The following EFCAB8 variants were observed in gnomAD, a reference collection of about 807,000 sequenced individuals.
The protein encoded by EFCAB8 is EF-hand calcium binding domain 8.
In EFCAB8, 100 loss-of-function variants were observed where a neutral mutation model predicts 116.3. The observed-to-expected ratio is 0.86, with a 90% CI of 0.73 to 1.02. The LOEUF (loss-of-function observed/expected upper bound fraction) is 1.02, where lower values mean the gene tolerates loss of function less well. Ranked by LOEUF, EFCAB8 falls within the 50% of genes least tolerant of loss-of-function variation. The pLI, the probability that EFCAB8 is intolerant of heterozygous loss-of-function variation, is 0.00. For missense variants in EFCAB8, 1,320 were observed against 1,416.9 expected (o/e 0.93, Z 1.10); for synonymous variants, 558 against 567.9 (o/e 0.98, Z 0.25).
chr20:32,898,715 G>C, intron 11 of EFCAB8, 92 bp downstream of exon 11: 2 of 676,896 alleles, frequency 3.0e-6, no homozygotes, highest in South Asian at 3.2e-5. Context: ...GCAGATGGTG[G>C]TTGGTGTATG....
Position 32,885,464 on chromosome 20 carries a change from G to A in EFCAB8, c.432-41G>A, listed in dbSNP as rs913433581. 44 of 1,549,830 alleles carry A rather than the reference G, an allele frequency of 2.8e-5. No homozygotes were observed. The Middle Eastern group carries it at 5.0e-4, about 18-fold the overall frequency. Reference sequence around the variant, plus strand: ...GCCGCAGGTGCCCCCTCCCTGAGCTGTTTTTGCTTGGGCTCTTCTCTCTTT... The same window carrying A: ...GCCGCAGGTGCCCCCTCCCTGAGCTATTTTTGCTTGGGCTCTTCTCTCTTT... On this transcript the variant is annotated intron_variant, in intron 5 of 26. Transcript: ENST00000400522.
At chr20:32,896,269 T>A (rs1986150145) in intron 9 of EFCAB8, among the ~76,000 whole-genome samples, 185 bp from the exon 10 acceptor site, 1 of 152,138 alleles carries the variant, frequency 6.6e-6, no homozygotes, top group Admixed American at 6.5e-5. Flanking sequence ...CTGAGTCTTT[T>A]TCCTGGGGTG....
chr20:32,952,743 C>CTT lies in EFCAB8; in HGVS notation c.2960-5675_2960-5674dup, dbSNP rs974662248. Reference sequence around the variant, plus strand: ...TGCCCGTTCATTTTCCTGATGGCATCTTTTGATGAGCAGAAATTTTTAATT... The same window carrying CTT: ...TGCCCGTTCATTTTCCTGATGGCATCTTTTTTGATGAGCAGAAATTTTTAATT... On this transcript the variant is annotated intron_variant, in intron 23 of 26. Transcript: ENST00000400522. 2.0e-4 allele frequency among the ~76,000 whole-genome samples: 30 copies of CTT among 152,166 alleles called. 1 individual carries two copies. The highest frequency in any genetic ancestry group is 7.2e-4 in the African/African-American group (30 of 41,560).
intron 7 of EFCAB8, among the ~76,000 whole-genome samples, chr20:32,889,794 G>A (rs13038551): frequency 0.57 from 86,269 of 151,544 alleles, 26,453 homozygotes; most frequent in Middle Eastern, 0.73. Context: ...CTGAGGTCAG[G>A]AGTTCAAGAC....
intron 17 of EFCAB8, among the ~76,000 whole-genome samples, chr20:32,916,278 G>C (rs1309048912): frequency 5.9e-5 from 9 of 152,028 alleles, no homozygotes; most frequent in Admixed American, 1.3e-4. Flanking sequence ...TTTTTTAAGA[G>C]ACAGGATCTT....
rs1426019644 is a variant in EFCAB8 at position 32,911,660 on chromosome 20, A to T, written c.1738A>T (p.Asn580Tyr). Reference protein sequence around the residue: ...RDGTMKMWNYNIGKCLLTFPS... With the variant: ...RDGTMKMWNYYIGKCLLTFPS... ...TGGCACAATGAAGATGTGGAACTACAACATTGGCAAATGCCTGTTGACCTT... is the reference window on the plus strand; with the variant it reads ...TGGCACAATGAAGATGTGGAACTACTACATTGGCAAATGCCTGTTGACCTT... The change falls in exon 16 of 27, where the codon AAC becomes TAC. Residue 580 changes from asparagine to tyrosine, a missense_variant. By Grantham distance (143) the Asn-to-Tyr change is moderately radical (BLOSUM62 -2). Coordinates refer to ENST00000400522, the MANE Select transcript of EFCAB8 (RefSeq NM_001143967.2). The T allele has an allele frequency of 6.4e-7, 1 of 1,551,750 alleles. No homozygotes were observed. Among genetic ancestry groups the T allele is most frequent in the African/African-American group, 1.4e-5 (1 of 73,170 alleles).
chr20:32,882,678 G>A (rs13038717), intron 5 of EFCAB8, among the ~76,000 whole-genome samples: 53,023 of 151,798 alleles, frequency 0.35, 11,510 homozygotes, highest in Middle Eastern at 0.52. Flanking sequence ...CCGCCACCAC[G>A]CCTGGCCGAT....
intron 11 of EFCAB8, among the ~76,000 whole-genome samples, chr20:32,904,487 T>C (rs1022814505): frequency 1.3e-5 from 2 of 150,290 alleles, no homozygotes; most frequent in Admixed American, 6.7e-5. Flanking sequence ...TTTGTACAGA[T>C]GGGATCTTGC....
At chr20:32,926,370 A>G (rs1314738353) in intron 20 of EFCAB8, among the ~76,000 whole-genome samples, 2 of 151,456 alleles carry the variant, frequency 1.3e-5, no homozygotes, top group Non-Finnish European at 2.9e-5. Context: ...ATTTTTTTTT[A>G]TGGTTTTGAT....
At chr20:32,878,064 G>A (rs1238320463) in intron 4 of EFCAB8, among the ~76,000 whole-genome samples, 1 of 152,062 alleles carries the variant, frequency 6.6e-6, no homozygotes, top group African/African-American at 2.4e-5. Context: ...CCAGGAGTTC[G>A]AGACCAGCCT....
chr20:32,863,760 T>C, intron 1 of EFCAB8, 23 bp from the exon 2 acceptor site: 2 of 1,548,910 alleles, frequency 1.3e-6, no homozygotes, highest in South Asian at 1.2e-5. Flanking sequence ...TGGAGTTAAG[T>C]TGACTATGAT....
intron 10 of EFCAB8, among the ~76,000 whole-genome samples, chr20:32,897,439 CTTTTT>C (rs10693739): frequency 7.3e-6 from 1 of 136,236 alleles, no homozygotes; most frequent in Non-Finnish European, 1.6e-5. Flanking sequence ...CCTGCACTGA[CTTTTT>C]TTTTTTTTTT....
intron 5 of EFCAB8, among the ~76,000 whole-genome samples, chr20:32,883,811 C>T (rs1485971647): frequency 6.6e-6 from 1 of 152,128 alleles, no homozygotes; most frequent in East Asian, 1.9e-4. Context: ...CTGCCTCAGC[C>T]TCCTGAGTAG....
In EFCAB8 at chr20:32,877,207, C is replaced by T. The variant is rs369740305; in HGVS notation, c.327+1163C>T. ...TTTTCTTGTTTTTATTTATTTCTTTCTTTTTTTTTTTTTTTTTTTGAGATG... is the reference window on the plus strand; with the variant it reads ...TTTTCTTGTTTTTATTTATTTCTTTTTTTTTTTTTTTTTTTTTTTGAGATG... On this transcript the variant is annotated intron_variant, in intron 4 of 26. Transcript: ENST00000400522. Among the ~76,000 whole-genome samples, 85 of 115,010 alleles carry T rather than the reference C, an allele frequency of 7.4e-4. 1 individual carries two copies. Among genetic ancestry groups the T allele is most frequent in the African/African-American group, 1.9e-3 (66 of 34,090 alleles). 75.5% of individuals were successfully genotyped at this position (115,010 alleles called of 152,430 possible). A position where few individuals can be genotyped will look rare whatever the true frequency, so the allele number is the denominator to read the frequency against.
intron 26 of EFCAB8, among the ~76,000 whole-genome samples, chr20:32,960,558 C>A (rs964401412): frequency 6.6e-6 from 1 of 152,178 alleles, no homozygotes; most frequent in Admixed American, 6.5e-5. Context: ...CATGCCAGGC[C>A]CATAGTAAGA....
Position 32,959,942 on chromosome 20 carries a change from T to C in EFCAB8, c.3254T>C (p.Ile1085Thr), listed in dbSNP as rs745938297. The C allele has an allele frequency of 2.1e-5, 33 of 1,551,516 alleles. No homozygotes were observed. Among genetic ancestry groups the C allele is most frequent in the Middle Eastern group, 3.3e-4 (2 of 5,994 alleles). Residue 1085 changes from isoleucine (I) to threonine (T), a missense_variant, in exon 25 of 27, where the codon ATT becomes ACT. Transcript: ENST00000400522. ...GCCGGAGAGCGCCCCCTGGAAGACA[T>C]TGAGGACAGCTGGAACAAGTGGGAG... ...PWAGERPLED[I>T]EDSWNKWESR...
chr20:32,869,972 CT>C (rs1407275075), intron 3 of EFCAB8, among the ~76,000 whole-genome samples: 13 of 152,130 alleles, frequency 8.5e-5, no homozygotes, highest in Admixed American at 8.5e-4. Context: ...CTGTTTAGAG[CT>C]TGATTTTTCC....
chr20:32,934,399 T>A (rs1055812902), intron 22 of EFCAB8, among the ~76,000 whole-genome samples: 1 of 152,208 alleles, frequency 6.6e-6, no homozygotes, highest in African/African-American at 2.4e-5. Flanking sequence ...TTGTGAAAAG[T>A]GCTGCAATGA....
intron 5 of EFCAB8, among the ~76,000 whole-genome samples, chr20:32,879,559 C>T (rs577441658): frequency 1.5e-4 from 23 of 152,232 alleles, no homozygotes; most frequent in African/African-American, 4.3e-4. Context: ...TTACATGACA[C>T]GGGAGCCTCT....
Sources: allele counts gnomAD v4.1 joint callset (sites outside exome capture counted in the v4.1 genomes callset), GRCh38; gene constraint gnomAD v4.1.1; transcripts MANE v1.5; gene names NCBI Gene and HGNC (gene_info 2026-07-23, HGNC 2026-07-21).